The following KNTC1 variants were observed in gnomAD, a reference collection of about 807,000 sequenced individuals.
KNTC1 encodes kinetochore-associated protein 1.
Under a neutral mutation model 314.4 loss-of-function variants are expected in KNTC1, and 253 were observed. The ratio of observed to expected loss-of-function variants is 0.80; its 90% CI spans 0.73 to 0.89. The LOEUF (loss-of-function observed/expected upper bound fraction) is 0.89. KNTC1 is among the 40% of genes least tolerant of loss of function. KNTC1 has a pLI of 0.00. For missense variants in KNTC1, 2,475 were observed against 2,572.9 expected, an observed-to-expected ratio of 0.96 and a Z score of 0.82; for synonymous variants, 901 against 901.4, an observed-to-expected ratio of 1.00 and a Z score of 0.01.
At chr12:122,578,189 GA>G in intron 31 of KNTC1, among the ~76,000 whole-genome samples, 1 of 152,270 alleles carries the variant, frequency 6.6e-6, no homozygotes, top group African/African-American at 2.4e-5. Context: ...ATGGTTTTAA[GA>G]GAGTTTACTT....
intron 2 of KNTC1, among the ~76,000 whole-genome samples, chr12:122,530,692 C>G (rs180870931): frequency 3.9e-4 from 60 of 152,200 alleles, no homozygotes; most frequent in African/African-American, 1.4e-3. Flanking sequence ...CTCAAGAAAT[C>G]CACCCACCTC....
Position 122,601,547 on chromosome 12 carries a change from T to C in KNTC1, c.4575T>C (p.Tyr1525=), listed in dbSNP as rs199973959. Residue 1525 remains tyrosine, a synonymous_variant, in exon 45 of 64, where the codon TAT becomes TAC. Transcript: ENST00000333479. Reference sequence around the variant, plus strand: ...TTGTTTTTATACAGTTGGATCCTTATGACTATGAAATGATTGAAGTTGTCT... The same window carrying C: ...TTGTTTTTATACAGTTGGATCCTTACGACTATGAAATGATTGAAGTTGTCT... ...LSGILHKLDP[Y]DYEMIEVVLK... 3.3e-6 allele frequency: 5 copies of C among 1,532,372 alleles called. No individual in the cohort carries two copies. The East Asian group carries it at 1.2e-4, about 38-fold the overall frequency. 94.9% of individuals were successfully genotyped at this position (1,532,372 alleles called of 1,614,324 possible).
chr12:122,540,396 T>G (rs899144357), intron 5 of KNTC1, among the ~76,000 whole-genome samples: 2 of 152,156 alleles, frequency 1.3e-5, no homozygotes, highest in Non-Finnish European at 2.9e-5. Flanking sequence ...GGTCTTGAAC[T>G]CCTGACCTCA....
At position 122,571,048 on chromosome 12, in the gene KNTC1, TC is replaced by T. The variant is rs1964649019; in HGVS notation, c.1942del (p.Gln648AsnfsTer26). 2 of 1,613,646 alleles carry T rather than the reference TC, an allele frequency of 1.2e-6. No homozygotes were observed. The highest frequency in any genetic ancestry group is 3.3e-5 in the Admixed American group (2 of 60,004). ...DKANWPENGL[Q>X]LAEIFFTAEK... ...AGGCAAATTGGCCAGAAAATGGACTTCAATTGGCAGAGATATTTTTTACAGC... is the reference window on the plus strand; with the variant it reads ...AGGCAAATTGGCCAGAAAATGGACTTAATTGGCAGAGATATTTTTTACAGC... On this transcript the variant is annotated frameshift_variant, in exon 24 of 64. Coordinates refer to ENST00000333479, the MANE Select transcript of KNTC1 (RefSeq NM_014708.6). LOFTEE classifies it high-confidence loss of function.
intron 50 of KNTC1, 109 bp downstream of exon 50, chr12:122,605,196 T>G: frequency 9.6e-7 from 1 of 1,046,194 alleles, no homozygotes; most frequent in Non-Finnish European, 1.4e-6. Context: ...TGCTTATATA[T>G]GTATATACTT....
chr12:122,547,507 A>G lies in KNTC1; in HGVS notation c.909A>G (p.Ala303=). Residue 303 remains alanine, a synonymous_variant, in exon 11 of 64, where the codon GCA becomes GCG. Coordinates refer to ENST00000333479, the MANE Select transcript of KNTC1 (RefSeq NM_014708.6). Reference sequence around the variant, plus strand: ...AAGAGTTTCTTCTTACTACAGAAGCAGACTCTCCTTCATCAGTCACGTGGT... The same window carrying G: ...AAGAGTTTCTTCTTACTACAGAAGCGGACTCTCCTTCATCAGTCACGTGGT... The part of the protein sequence containing the change: ...HVEEFLLTTE[A]DSPSSVTWQG... The G allele has an allele frequency of 1.9e-6, 3 of 1,609,056 alleles. No homozygotes were observed. Among genetic ancestry groups the G allele is most frequent in the Non-Finnish European group, 2.6e-6 (3 of 1,175,870 alleles).
chr12:122,574,092 A>C lies in KNTC1; in HGVS notation c.2284-190A>C, dbSNP rs144101627. ...AAATTTTCTATACCATATAAAACTA[A>C]AGGCTAATGTTTTGGCAGTTTTGTA... On this transcript the variant is annotated intron_variant, in intron 26 of 63. Coordinates refer to ENST00000333479, the MANE Select transcript of KNTC1 (RefSeq NM_014708.6). Among the ~76,000 whole-genome samples the C allele has an allele frequency of 6.6e-3, 1,005 of 152,308 alleles. 7 individuals carry two copies. The highest frequency in any genetic ancestry group is 0.011 in the Non-Finnish European group (766 of 68,018).
At position 122,609,008 on chromosome 12, in the gene KNTC1, G is replaced by A. The variant is rs758750152; in HGVS notation, c.5497-376G>A. Among the ~76,000 whole-genome samples the A allele has an allele frequency of 6.8e-4, 103 of 152,266 alleles. 1 individual carries two copies. Among genetic ancestry groups the A allele is most frequent in the Non-Finnish European group, 5.0e-4 (34 of 68,014 alleles). ...CAGGAGGTTGAGGCTGCACTGAGCC[G>A]TGGTTGTGCCACTGTACTCCAGCCT... On this transcript the variant is annotated intron_variant, in intron 51 of 63. Transcript: ENST00000333479.
At chr12:122,583,137 C>A in intron 34 of KNTC1, among the ~76,000 whole-genome samples, 152 bp downstream of exon 34, 1 of 152,180 alleles carries the variant, frequency 6.6e-6, no homozygotes, top group African/African-American at 2.4e-5. Flanking sequence ...TGGTGAAACC[C>A]TGTCTCTACT....
chr12:122,553,080 C>G (rs936655126), intron 16 of KNTC1, among the ~76,000 whole-genome samples: 2 of 151,086 alleles, frequency 1.3e-5, no homozygotes, highest in African/African-American at 4.9e-5. Flanking sequence ...TCACTTGAAC[C>G]CAGGAGGTGG....
chr12:122,580,497 AGACTT>A (rs1247404955), intron 32 of KNTC1, 101 bp from the exon 33 acceptor site: 3 of 661,932 alleles, frequency 4.5e-6, no homozygotes, highest in Middle Eastern at 3.6e-4. Flanking sequence ...GAACTACTGA[AGACTT>A]GAGATGAGAG....
At chr12:122,588,952 T>C in intron 40 of KNTC1, 136 bp downstream of exon 40, 1 of 464,140 alleles carries the variant, frequency 2.2e-6, no homozygotes, top group Non-Finnish European at 3.8e-6. Context: ...AACTGTCTTA[T>C]AGCTAATCAA....
At position 122,580,598 on chromosome 12, in the gene KNTC1, TACAG is replaced by T. The variant is rs747844830; in HGVS notation, c.2915-1_2917del. ...CTGCTATAACTTTTAAAAATTTAAT[TACAG>T]ACAATCTGCAGAAGAAGGACGAATG... On this transcript the variant is annotated splice_acceptor_variant and splice_polypyrimidine_tract_variant and intron_variant, in intron 32 of 63. Coordinates refer to ENST00000333479, the MANE Select transcript of KNTC1 (RefSeq NM_014708.6). LOFTEE classifies it high-confidence loss of function. 26 of 1,537,048 alleles carry T rather than the reference TACAG, an allele frequency of 1.7e-5. No individual in the cohort carries two copies. Among genetic ancestry groups the T allele is most frequent in the Non-Finnish European group, 2.2e-5 (25 of 1,133,172 alleles).
chr12:122,579,842 T>G, intron 31 of KNTC1, 63 bp from the exon 32 acceptor site: 1 of 1,072,164 alleles, frequency 9.3e-7, no homozygotes, highest in Non-Finnish European at 1.4e-6. Context: ...TATTTGTATA[T>G]GTACTACTGA....
intron 1 of KNTC1, chr12:122,527,772 G>T (rs1930605905): frequency 6.6e-6 from 1 of 152,252 alleles, no homozygotes; most frequent in Non-Finnish European, 1.5e-5. Flanking sequence ...CCCAGCCTCC[G>T]AGTCTTTGCA....
intron 45 of KNTC1, among the ~76,000 whole-genome samples, chr12:122,602,105 ATTT>A (rs1872000802): frequency 6.6e-6 from 1 of 151,750 alleles, no homozygotes; most frequent in Non-Finnish European, 1.5e-5. Flanking sequence ...AGAAATTAAT[ATTT>A]TAGAAATATT....
intron 20 of KNTC1, among the ~76,000 whole-genome samples, chr12:122,567,296 C>T (rs542640513): frequency 9.7e-4 from 148 of 152,016 alleles, no homozygotes; most frequent in African/African-American, 3.2e-3. Context: ...TCTTGAATTT[C>T]TGACCTCAAG....
intron 37 of KNTC1, among the ~76,000 whole-genome samples, chr12:122,586,136 G>T (rs1372607272): frequency 1.3e-5 from 2 of 152,196 alleles, no homozygotes; most frequent in Non-Finnish European, 2.9e-5. Context: ...AGGCTGGAGT[G>T]CAGTGGCATG....
At chr12:122,601,197 C>T (rs968432817) in intron 44 of KNTC1, among the ~76,000 whole-genome samples, 7 of 152,108 alleles carry the variant, frequency 4.6e-5, no homozygotes, top group African/African-American at 1.7e-4. Context: ...ATTCTCCTGC[C>T]TCAGCCTCCC....
Sources: gnomAD v4.1 joint callset for allele counts (sites outside exome capture counted in the v4.1 genomes callset) on GRCh38, gnomAD v4.1.1 for gene constraint, MANE v1.5 for transcripts, NCBI Gene and HGNC (gene_info 2026-07-23, HGNC 2026-07-21) for gene names.